The following EBLN1 variants were observed in gnomAD, a reference collection of about 807,000 sequenced individuals.
EBLN1 encodes endogenous Bornavirus like nucleoprotein 1.
In EBLN1, 1 loss-of-function variant was observed where a neutral mutation model predicts 0.8. The observed-to-expected ratio is 1.32, with a 90% CI of 0.47 to 6.26. The LOEUF (loss-of-function observed/expected upper bound fraction) is 6.26. Ranked by LOEUF, EBLN1 falls within the 30% of genes most tolerant of loss-of-function variation. The probability of loss-of-function intolerance (pLI) is 0.15; values close to 1 mark genes in which losing one functional copy is unlikely to be tolerated. For missense variants in EBLN1, 396 were observed against 447.9 expected (o/e 0.88, Z 1.05); for synonymous variants, 158 against 158.5 (o/e 1.00, Z 0.02).
chr10:22,217,127 A>G (rs2131947095), intron 1 of EBLN1, among the ~76,000 whole-genome samples: 1 of 152,172 alleles, frequency 6.6e-6, no homozygotes, highest in African/African-American at 2.4e-5. Context: ...ATGTGTATAT[A>G]TATATTTTTT....
chr10:22,215,734 GA>G (rs199710219), intron 1 of EBLN1, among the ~76,000 whole-genome samples: 2,761 of 151,734 alleles, frequency 0.018, 51 homozygotes, highest in Middle Eastern at 0.027. Flanking sequence ...AAATATGAAA[GA>G]AAAAAATATT....
chr10:22,214,569 T>C (rs1353685574), intron 1 of EBLN1, among the ~76,000 whole-genome samples: 1 of 152,150 alleles, frequency 6.6e-6, no homozygotes, highest in Non-Finnish European at 1.5e-5. Flanking sequence ...ACAAAACTCA[T>C]TACCTAAATT....
chr10:22,211,878 G>A (rs1189284236), intron 2 of EBLN1, among the ~76,000 whole-genome samples: 1 of 152,068 alleles, frequency 6.6e-6, no homozygotes, highest in African/African-American at 2.4e-5. Context: ...TCTGTTTGGC[G>A]TGCTAATTAA....
At chr10:22,212,407 T>C (rs1017506316) in intron 2 of EBLN1, among the ~76,000 whole-genome samples, 2 of 152,218 alleles carry the variant, frequency 1.3e-5, no homozygotes, top group Non-Finnish European at 2.9e-5. Flanking sequence ...GCCGTAGCAG[T>C]AGGATACATA....
chr10:22,208,522 T>C lies in EBLN1; in HGVS notation c.*361A>G, dbSNP rs1417001256. Among the ~76,000 whole-genome samples the C allele has an allele frequency of 6.6e-6, 1 of 152,058 alleles. No individual in the cohort carries two copies. Among genetic ancestry groups the C allele is most frequent in the African/African-American group, 2.4e-5 (1 of 41,422 alleles). ...ATTTCAACATAATTATAAAAAATAA[T>C]CAAGACAAATTAGAGAAGAAATACA... On this transcript the variant is annotated 3_prime_UTR_variant, in exon 3 of 3. Coordinates refer to ENST00000422359, the MANE Select transcript of EBLN1 (RefSeq NM_001394757.1).
At chr10:22,216,568 T>C (rs1037269706) in intron 1 of EBLN1, among the ~76,000 whole-genome samples, 21 of 152,146 alleles carry the variant, frequency 1.4e-4, no homozygotes, top group African/African-American at 4.8e-4. Flanking sequence ...CTATGTACAA[T>C]AGGTAATTTA....
chr10:22,213,944 T>G (rs1028113257), intron 1 of EBLN1, among the ~76,000 whole-genome samples: 1 of 152,160 alleles, frequency 6.6e-6, no homozygotes, highest in Non-Finnish European at 1.5e-5. Context: ...AAACATATTC[T>G]AAACCTTCAA....
chr10:22,214,664 T>C (rs1292470208), intron 1 of EBLN1, among the ~76,000 whole-genome samples: 1 of 152,074 alleles, frequency 6.6e-6, no homozygotes, highest in African/African-American at 2.4e-5. Flanking sequence ...CTCATACAAA[T>C]CTTTAAGAAC....
intron 2 of EBLN1, among the ~76,000 whole-genome samples, chr10:22,211,542 G>T (rs1173425233): frequency 6.6e-6 from 1 of 151,998 alleles, no homozygotes; most frequent in Non-Finnish European, 1.5e-5. Flanking sequence ...ACCCAGGCTG[G>T]AGTGCAGTGG....
chr10:22,212,815 A>T (rs1449349449), intron 2 of EBLN1, among the ~76,000 whole-genome samples, 27 bp downstream of exon 2: 7 of 144,050 alleles, frequency 4.9e-5, no homozygotes, highest in East Asian at 2.0e-4. Flanking sequence ...TTTTTTTTTT[A>T]AATTAGCTGG....
intron 1 of EBLN1, among the ~76,000 whole-genome samples, chr10:22,213,515 A>G (rs1440802259): frequency 1.3e-5 from 2 of 152,156 alleles, no homozygotes; most frequent in Admixed American, 1.3e-4. Flanking sequence ...TTAGGTACCT[A>G]ATTTTGTATT....
Position 22,208,758 on chromosome 10 carries a change from T to C in EBLN1, c.*125A>G. On this transcript the variant is annotated 3_prime_UTR_variant, in exon 3 of 3. Coordinates refer to ENST00000422359, the MANE Select transcript of EBLN1 (RefSeq NM_001394757.1). Reference sequence around the variant, plus strand: ...TAAAGAATAAAAGATTATAGAGAAGTTGCGATAGATGTCAGAGACAGACCA... The same window carrying C: ...TAAAGAATAAAAGATTATAGAGAAGCTGCGATAGATGTCAGAGACAGACCA... The C allele has an allele frequency of 2.0e-6, 2 of 990,754 alleles. No individual in the cohort carries two copies. Among genetic ancestry groups the C allele is most frequent in the Non-Finnish European group, 2.8e-6 (2 of 710,708 alleles). 61.4% of individuals were successfully genotyped at this position (990,754 alleles called of 1,614,324 possible).
At chr10:22,217,690 C>A (rs1196355189) in intron 1 of EBLN1, among the ~76,000 whole-genome samples, 24 of 152,072 alleles carry the variant, frequency 1.6e-4, no homozygotes. Flanking sequence ...CATGATATAA[C>A]CATAAATTCG....
In EBLN1 at chr10:22,210,004, A is replaced by T; in HGVS notation, c.-21T>A. 1 of 1,388,020 alleles carries T rather than the reference A, an allele frequency of 7.2e-7. No individual in the cohort carries two copies. Among genetic ancestry groups the T allele is most frequent in the Non-Finnish European group, 9.3e-7 (1 of 1,074,060 alleles). The allele number at this position is 1,388,020 out of a possible 1,614,324, so 86.0% of individuals were successfully genotyped here. ...GACATTGTGGGTGATTGTTTCTGTG[A>T]TTTTCACACAATTTTGTACTGTACT... On this transcript the variant is annotated 5_prime_UTR_variant, in exon 3 of 3. Coordinates refer to ENST00000422359, the MANE Select transcript of EBLN1 (RefSeq NM_001394757.1).
At position 22,208,539 on chromosome 10, in the gene EBLN1, A is replaced by G. The variant is rs541686439; in HGVS notation, c.*344T>C. On this transcript the variant is annotated 3_prime_UTR_variant, in exon 3 of 3. Coordinates refer to ENST00000422359, the MANE Select transcript of EBLN1 (RefSeq NM_001394757.1). ...AAAAATAATCAAGACAAATTAGAGA[A>G]GAAATACAATAACCTTAAAAATGAT... Among the ~76,000 whole-genome samples the G allele has an allele frequency of 1.1e-3, 175 of 152,356 alleles. No homozygotes were observed. The highest frequency in any genetic ancestry group is 3.9e-3 in the African/African-American group (164 of 41,584).
At chr10:22,215,862 A>G (rs1834788611) in intron 1 of EBLN1, among the ~76,000 whole-genome samples, 1 of 152,196 alleles carries the variant, frequency 6.6e-6, no homozygotes, top group Admixed American at 6.5e-5. Context: ...TGGATGAAAT[A>G]TTACACAGCA....
Position 22,208,920 on chromosome 10 carries a change from T to A in EBLN1, c.1064A>T (p.Asn355Ile), listed in dbSNP as rs745874844. The change falls in exon 3 of 3, where the codon AAC becomes ATC. Residue 355 changes from asparagine to isoleucine, a missense_variant. Coordinates refer to ENST00000422359, the MANE Select transcript of EBLN1 (RefSeq NM_001394757.1). ...RGSDMDPYTL[N>I]ILRGYGISGF... ...CGAAATCCCATAACCGCGAAGGATG[T>A]TAAGTGTATATGGATCCATGTCACT... 42 of 1,535,128 alleles carry A rather than the reference T, an allele frequency of 2.7e-5. 1 individual carries two copies. In the South Asian group the frequency reaches 4.6e-4, roughly 17 times the overall value.
intron 1 of EBLN1, among the ~76,000 whole-genome samples, chr10:22,214,924 A>C (rs964584737): frequency 8.5e-5 from 13 of 152,252 alleles, no homozygotes; most frequent in Non-Finnish European, 1.3e-4. Flanking sequence ...AAATAAAATG[A>C]GTTATATCTG....
chr10:22,208,991 T>C lies in EBLN1; in HGVS notation c.993A>G (p.Thr331=), dbSNP rs539887962. 652 of 1,535,728 alleles carry C rather than the reference T, an allele frequency of 4.2e-4. 1 individual carries two copies. The highest frequency in any genetic ancestry group is 4.4e-4 in the Non-Finnish European group (506 of 1,146,918). Residue 331 remains threonine, a synonymous_variant, in exon 3 of 3, where the codon ACA becomes ACG. Coordinates refer to ENST00000422359, the MANE Select transcript of EBLN1 (RefSeq NM_001394757.1). ...ALDIIPGSTI[T]FPVLQMASAQ... ...CAGATGCCATTTGAAGTACAGGGAA[T>C]GTAATAGTTGATCCTGGTATAATGT...
Sources: gnomAD v4.1 joint callset for allele counts (sites outside exome capture counted in the v4.1 genomes callset) on GRCh38, gnomAD v4.1.1 for gene constraint, MANE v1.5 for transcripts, NCBI Gene and HGNC (gene_info 2026-07-23, HGNC 2026-07-21) for gene names.